Variants in PDE1C observed in about 807,000 individuals in gnomAD.
PDE1C encodes phosphodiesterase 1C, also known as dual specificity calcium/calmodulin-dependent 3',5'-cyclic nucleotide phosphodiesterase 1C.
Under a neutral mutation model 93.1 loss-of-function variants are expected in PDE1C, and 62 were observed. The ratio of observed to expected loss-of-function variants is 0.67; its 90% CI spans 0.54 to 0.82. The LOEUF (loss-of-function observed/expected upper bound fraction) is 0.82, where lower values mean the gene tolerates loss of function less well. PDE1C is among the 40% of genes least tolerant of loss of function. The pLI is 0.00. For synonymous variants in PDE1C, 325 were observed against 310.1 expected (o/e 1.05, Z -0.50); for missense variants, 742 against 884.6 (o/e 0.84, Z 2.04).
Position 32,118,559 on chromosome 7 carries a change from C to T in PDE1C, c.308+51226G>A, listed in dbSNP as rs536258119. 1.6e-4 allele frequency among the ~76,000 whole-genome samples: 24 copies of T among 152,242 alleles called. 1 individual carries two copies. In the South Asian group the frequency reaches 5.0e-3, roughly 32 times the overall value. On this transcript the variant is annotated intron_variant, in intron 3 of 18. Coordinates refer to the PDE1C transcript ENST00000396193. ...CAAAGACTTCATAATTTATGGTGAA[C>T]AGAAATTTATTTGGTTCACTGTTCT...
chr7:31,654,399 A>G, the PDE1C span, among the ~76,000 whole-genome samples: 3 of 152,012 alleles, frequency 2.0e-5, no homozygotes, highest in African/African-American at 7.2e-5. Context: ...GGCCATGACC[A>G]AGTCTTTGCA....
At chr7:32,320,248 G>A (rs1476150312) in intron 1 of PDE1C, among the ~76,000 whole-genome samples, 2 of 152,222 alleles carry the variant, frequency 1.3e-5, no homozygotes, top group East Asian at 1.9e-4. Flanking sequence ...TAAGTATCAT[G>A]CTTGTAACAA....
intron 2 of PDE1C, among the ~76,000 whole-genome samples, chr7:31,981,026 C>A (rs1584309282): frequency 6.6e-6 from 1 of 152,276 alleles, no homozygotes; most frequent in South Asian, 2.1e-4. Context: ...TTATAGATTT[C>A]AGGGATTAGG....
intron 1 of PDE1C, among the ~76,000 whole-genome samples, chr7:32,417,182 A>G (rs1034197293): frequency 1.3e-5 from 2 of 152,180 alleles, no homozygotes; most frequent in African/African-American, 4.8e-5. Context: ...ACAGGCCCCA[A>G]ACCAAGAAAA....
intron 1 of PDE1C, among the ~76,000 whole-genome samples, chr7:32,239,416 A>G (rs1808381606): frequency 6.6e-6 from 1 of 152,186 alleles, no homozygotes; most frequent in African/African-American, 2.4e-5. Flanking sequence ...ATCCATAAAC[A>G]AAGTGCAATA....
intron 16 of PDE1C, among the ~76,000 whole-genome samples, chr7:31,798,974 A>C (rs762512784): frequency 4.0e-5 from 6 of 151,742 alleles, no homozygotes; most frequent in Non-Finnish European, 7.4e-5. Context: ...TATCGTCCTA[A>C]GTAGTATGGG....
At chr7:31,909,081 G>C (rs1368222831) in intron 2 of PDE1C, among the ~76,000 whole-genome samples, 2 of 152,046 alleles carry the variant, frequency 1.3e-5, no homozygotes, top group Non-Finnish European at 2.9e-5. Context: ...GCTTTTGCTT[G>C]CAAGAAGTCT....
intron 1 of PDE1C, among the ~76,000 whole-genome samples, chr7:32,423,483 T>C (rs1275091288): frequency 1.3e-5 from 2 of 152,188 alleles, no homozygotes; most frequent in African/African-American, 4.8e-5. Flanking sequence ...TTCAGCAAGC[T>C]CCTGGGTGAC....
At chr7:32,059,566 C>T (rs578229450) in intron 1 of PDE1C, among the ~76,000 whole-genome samples, 1 of 152,288 alleles carries the variant, frequency 6.6e-6, no homozygotes, top group East Asian at 1.9e-4. Context: ...ATCAAATCTG[C>T]TGCTCATGCC....
chr7:32,078,521 CA>C (rs1295416634), intron 3 of PDE1C, among the ~76,000 whole-genome samples: 2 of 152,176 alleles, frequency 1.3e-5, no homozygotes, highest in Non-Finnish European at 2.9e-5. Context: ...AGGTCCACAG[CA>C]GCCTAGATAA....
intron 1 of PDE1C, among the ~76,000 whole-genome samples, chr7:32,280,675 G>A (rs751509494): frequency 3.7e-4 from 56 of 152,208 alleles, no homozygotes; most frequent in Non-Finnish European, 6.0e-4. Context: ...ATTTTCTAAT[G>A]AAAACTGGCA....
At chr7:32,136,057 T>C (rs1800188761) in intron 3 of PDE1C, among the ~76,000 whole-genome samples, 1 of 152,188 alleles carries the variant, frequency 6.6e-6, no homozygotes, top group African/African-American at 2.4e-5. Context: ...TTAAGTGGTA[T>C]CTAAAAAGGT....
chr7:31,670,414 T>A, the PDE1C span, among the ~76,000 whole-genome samples: 1 of 152,198 alleles, frequency 6.6e-6, no homozygotes, highest in Admixed American at 6.5e-5. Context: ...TGGTTACAGA[T>A]CCTGTTAATC....
rs61745788 is a variant in PDE1C at position 31,879,076 on chromosome 7, C to T, written c.345G>A (p.Gly115=). ...WLASTFTRQM[G]MMLRRSDEKP... ...TCTCGTCGCTCCTCCTGAGCATCAT[C>T]CCCATCTGCCGCGTGAAGGTGGAGG... Residue 115 remains glycine (G), a synonymous_variant, in exon 4 of 18, where the codon GGG becomes GGA. Transcript: ENST00000396191. The T allele has an allele frequency of 1.2e-6, 2 of 1,614,128 alleles. No individual in the cohort carries two copies. The highest frequency in any genetic ancestry group is 1.3e-5 in the African/African-American group (1 of 75,032).
intron 16 of PDE1C, among the ~76,000 whole-genome samples, chr7:31,802,737 C>T (rs1461999558): frequency 6.6e-6 from 1 of 151,592 alleles, no homozygotes; most frequent in Non-Finnish European, 1.5e-5. Flanking sequence ...AATTTAGCTC[C>T]ACTGTCTTAT....
intron 2 of PDE1C, among the ~76,000 whole-genome samples, chr7:31,998,224 T>C (rs1449745668): frequency 1.3e-5 from 2 of 152,078 alleles, no homozygotes; most frequent in Non-Finnish European, 2.9e-5. Context: ...TTTCACCATG[T>C]TAGCCAGGAT....
chr7:32,001,923 G>A (rs189019142), intron 2 of PDE1C, among the ~76,000 whole-genome samples: 238 of 152,274 alleles, frequency 1.6e-3, no homozygotes, highest in Non-Finnish European at 2.9e-3. Context: ...GCTGAGCGTT[G>A]TGGCAGGTTC....
At chr7:32,342,704 G>A (rs1783780970) in intron 1 of PDE1C, among the ~76,000 whole-genome samples, 1 of 152,014 alleles carries the variant, frequency 6.6e-6, no homozygotes, top group South Asian at 2.1e-4. Flanking sequence ...TGTGATCTTG[G>A]GCAAGTGAGG....
chr7:31,797,831 GAAC>G (rs1472476017), intron 16 of PDE1C, among the ~76,000 whole-genome samples: 17 of 151,672 alleles, frequency 1.1e-4, no homozygotes, highest in Non-Finnish European at 2.4e-4. Flanking sequence ...GACTGAAAGT[GAAC>G]AAGAATAATA....
Sources: allele counts gnomAD v4.1 joint callset (sites outside exome capture counted in the v4.1 genomes callset), GRCh38; gene constraint gnomAD v4.1.1; transcripts MANE v1.5; gene names NCBI Gene and HGNC (gene_info 2026-07-23, HGNC 2026-07-21).